Variants in MORC1 observed in about 807,000 individuals in gnomAD.
The protein encoded by MORC1 is MORC family CW-type zinc finger protein 1.
In MORC1, 59 loss-of-function variants were observed where a neutral mutation model predicts 134.9. The observed-to-expected ratio is 0.44, with a 90% CI of 0.35 to 0.54. The LOEUF (loss-of-function observed/expected upper bound fraction) is 0.54. Ranked by LOEUF, MORC1 falls within the 20% of genes least tolerant of loss-of-function variation. The pLI, the probability that MORC1 is intolerant of heterozygous loss-of-function variation, is 0.00. For synonymous variants in MORC1, 395 were observed against 391.7 expected (o/e 1.01, Z -0.10); for missense variants, 947 against 1,134.5 (o/e 0.83, Z 2.37).
chr3:109,092,351 A>G (rs1950746761), intron 8 of MORC1, among the ~76,000 whole-genome samples: 1 of 152,270 alleles, frequency 6.6e-6, no homozygotes, highest in African/African-American at 2.4e-5. Context: ...TGTGTTATCA[A>G]ATAGCTATTT....
chr3:108,994,706 C>T (rs569381034), intron 21 of MORC1, among the ~76,000 whole-genome samples: 7 of 151,974 alleles, frequency 4.6e-5, no homozygotes, highest in South Asian at 4.2e-4. Flanking sequence ...GTACTTTTAT[C>T]GCTCTGTCTT....
Position 109,027,760 on chromosome 3 carries a change from C to T in MORC1, c.1695G>A (p.Gln565=). The change falls in exon 17 of 28, where the codon CAG becomes CAA. Residue 565 remains glutamine, a synonymous_variant. Coordinates refer to ENST00000232603, the MANE Select transcript of MORC1 (RefSeq NM_014429.4). ...ATTAATCACAACTCACCTGTGGCTG[C>T]TGTTCTGCCAGTCTATTTTGATACT... The part of the protein sequence containing the change: ...VIKYQNRLAE[Q]QPQPQFIPVD... 6.2e-7 allele frequency: 1 copy of T among 1,613,748 alleles called. No homozygotes were observed. The highest frequency in any genetic ancestry group is 8.5e-7 in the Non-Finnish European group (1 of 1,179,782).
At chr3:109,013,453 C>G (rs1464405007) in intron 17 of MORC1, among the ~76,000 whole-genome samples, 1 of 152,120 alleles carries the variant, frequency 6.6e-6, no homozygotes, top group Non-Finnish European at 1.5e-5. Context: ...TTATTTGAGT[C>G]CTTTCATGTG....
intron 24 of MORC1, among the ~76,000 whole-genome samples, chr3:108,979,082 A>C (rs1325738632): frequency 1.3e-5 from 2 of 152,152 alleles, no homozygotes; most frequent in Non-Finnish European, 2.9e-5. Context: ...AATTCCTCAA[A>C]TACCATGTCC....
Position 109,059,777 on chromosome 3 carries a change from T to A in MORC1, c.1031+29A>T, listed in dbSNP as rs746756385. ...TTTGTTTTAACAGAGTACAGAGGAT[T>A]CCTGCAAACAGAAAACCTTGTGTCT... On this transcript the variant is annotated intron_variant, in intron 12 of 27. Transcript: ENST00000232603. 7 of 1,597,598 alleles carry A rather than the reference T, an allele frequency of 4.4e-6. No homozygotes were observed. In the East Asian group the frequency reaches 1.3e-4, roughly 31 times the overall value.
Position 108,963,563 on chromosome 3 carries a change from T to C in MORC1, c.2650A>G (p.Lys884Glu). The change falls in exon 27 of 28, where the codon AAA (lysine) becomes GAA (glutamate). Residue 884 changes from lysine (K) to glutamate (E), a missense_variant. By Grantham distance (56) the Lys-to-Glu change is moderately conservative (BLOSUM62 1). Around this residue, in one of 3 missense-constraint regions of MORC1, gnomAD observed 722 missense variants for 817.0 expected, o/e 0.88. Transcript: ENST00000232603. ...MVQYEKKIKR[K>E]LQSIIYDSNT... ...GAATCATAGATAATGGACTGCAATT[T>C]CCTCTTTATTTTTTTTTCATATTGG... 6.3e-7 allele frequency: 1 copy of C among 1,592,706 alleles called. No individual in the cohort carries two copies. The highest frequency in any genetic ancestry group is 1.4e-5 in the African/African-American group (1 of 73,948).
At chr3:108,997,143 A>G (rs1209567170) in intron 21 of MORC1, among the ~76,000 whole-genome samples, 4 of 152,154 alleles carry the variant, frequency 2.6e-5, no homozygotes, top group Non-Finnish European at 5.9e-5. Context: ...AATGGGAGGC[A>G]TGGTGCAGAA....
chr3:108,963,837 G>A (rs1047265575), intron 26 of MORC1, among the ~76,000 whole-genome samples: 6 of 152,206 alleles, frequency 3.9e-5, no homozygotes, highest in African/African-American at 1.4e-4. Flanking sequence ...TAATTATAAG[G>A]AGGAAAGAGA....
intron 9 of MORC1, among the ~76,000 whole-genome samples, chr3:109,068,658 G>GT (rs751860429): frequency 2.4e-4 from 36 of 152,284 alleles, no homozygotes; most frequent in Admixed American, 4.6e-4. Flanking sequence ...ATTGTGAATT[G>GT]TGGTGCTATA....
In MORC1 at chr3:109,005,125, T is replaced by C. The variant is rs1948506012; in HGVS notation, c.1958A>G (p.Gln653Arg). ...TGGCAGAGCTACTGGAATTCTCTGC[T>C]GTTGAGAGTTCATTTTCTCCTCCAT... The part of the protein sequence containing the change: ...KSMEEKMNSQ[Q>R]QRIPVALPEN... Residue 653 changes from glutamine (Q) to arginine (R), a missense_variant, in exon 19 of 28, where the codon CAG (glutamine) becomes CGG (arginine). Physicochemically the swap from Gln to Arg is conservative, Grantham distance 43. This residue lies in a region of MORC1 where 722 missense variants were observed against 817.0 expected (regional missense o/e 0.88). Transcript: ENST00000232603. 1 of 1,613,806 alleles carries C rather than the reference T, an allele frequency of 6.2e-7. No individual in the cohort carries two copies. Among genetic ancestry groups the C allele is most frequent in the East Asian group, 2.2e-5 (1 of 44,854 alleles).
At chr3:108,987,116 C>T (rs1488837110) in intron 21 of MORC1, among the ~76,000 whole-genome samples, 167 bp from the exon 22 acceptor site, 9 of 152,100 alleles carry the variant, frequency 5.9e-5, no homozygotes, top group Admixed American at 3.3e-4. Flanking sequence ...ATGTACAAAA[C>T]GATAATCGCA....
chr3:109,100,995 A>G (rs975298079), intron 4 of MORC1, among the ~76,000 whole-genome samples: 2 of 152,198 alleles, frequency 1.3e-5, no homozygotes, highest in Non-Finnish European at 2.9e-5. Flanking sequence ...CCCTACAGAT[A>G]CTAAGAAACA....
intron 13 of MORC1, among the ~76,000 whole-genome samples, chr3:109,055,151 A>G (rs1949927862): frequency 1.3e-5 from 2 of 152,104 alleles, no homozygotes; most frequent in Non-Finnish European, 2.9e-5. Context: ...TTACGTGGAG[A>G]GTGAGGGTGG....
chr3:109,099,608 T>TC, intron 5 of MORC1, 142 bp from the exon 6 acceptor site: 1 of 356,854 alleles, frequency 2.8e-6, no homozygotes, highest in East Asian at 6.0e-5. Context: ...GAGGGTACAA[T>TC]TTTTTTTTTT....
At chr3:109,115,410 T>C (rs1207821198) in intron 1 of MORC1, among the ~76,000 whole-genome samples, 2 of 151,582 alleles carry the variant, frequency 1.3e-5, no homozygotes, top group African/African-American at 4.9e-5. Flanking sequence ...CAGAGGATGA[T>C]TAAAAGTCTC....
chr3:109,005,628 T>A (rs1042826012), intron 18 of MORC1, among the ~76,000 whole-genome samples: 1 of 152,198 alleles, frequency 6.6e-6, no homozygotes, highest in African/African-American at 2.4e-5. Flanking sequence ...GGCTCCCCGC[T>A]GCAAACAAGG....
intron 17 of MORC1, among the ~76,000 whole-genome samples, chr3:109,013,634 T>C (rs1299849206): frequency 6.6e-6 from 1 of 152,204 alleles, no homozygotes; most frequent in Non-Finnish European, 1.5e-5. Context: ...CTTCCTTAGA[T>C]TTCTCTTCTA....
intron 17 of MORC1, among the ~76,000 whole-genome samples, chr3:109,024,389 T>C (rs545433172): frequency 6.6e-6 from 1 of 152,340 alleles, no homozygotes; most frequent in East Asian, 1.9e-4. Flanking sequence ...TAAGATACCA[T>C]GTGGAAACGA....
intron 24 of MORC1, 73 bp downstream of exon 24, chr3:108,979,442 G>A: frequency 6.6e-7 from 1 of 1,507,076 alleles, no homozygotes; most frequent in Non-Finnish European, 9.1e-7. Flanking sequence ...ACTCAGTAGG[G>A]AAAACAACAG....
Sources: allele counts gnomAD v4.1 joint callset (sites outside exome capture counted in the v4.1 genomes callset), GRCh38; gene constraint gnomAD v4.1.1; regional missense constraint gnomAD v4.1.1; transcripts MANE v1.5; gene names NCBI Gene and HGNC (gene_info 2026-07-23, HGNC 2026-07-21).